The following SDCCAG8 variants were observed in gnomAD, a reference collection of about 807,000 sequenced individuals.
SDCCAG8 encodes the protein SHH signaling and ciliogenesis regulator SDCCAG8.
In SDCCAG8, 74 loss-of-function variants were observed where a neutral mutation model predicts 101.8. The observed-to-expected ratio is 0.73, with a 90% confidence interval of 0.60 to 0.88. The LOEUF (loss-of-function observed/expected upper bound fraction) is 0.88. Ranked by LOEUF, SDCCAG8 falls within the 40% of genes least tolerant of loss-of-function variation. The pLI is 0.00. For missense variants in SDCCAG8, 787 were observed against 822.6 expected (o/e 0.96, Z 0.53); for synonymous variants, 281 against 292.9 (o/e 0.96, Z 0.41).
intron 4 of SDCCAG8, 113 bp downstream of exon 4, chr1:243,274,769 T>G (rs552945419): frequency 1.5e-6 from 1 of 664,648 alleles, no homozygotes; most frequent in Admixed American, 2.3e-5. Context: ...ACATTGACAA[T>G]TGCTATTCTT....
In SDCCAG8 at chr1:243,330,500, A is replaced by G. The variant is rs767421072; in HGVS notation, c.1069-40A>G. On this transcript the variant is annotated intron_variant, in intron 9 of 17. Transcript: ENST00000366541. ...ATGTCATTTTACCTATATTTTTTCC[A>G]AATTCTAACCTCCTCTTTCAATCTG... 25 of 1,612,620 alleles carry G rather than the reference A, an allele frequency of 1.6e-5. 1 individual carries two copies. The South Asian group carries it at 2.8e-4, about 18-fold the overall frequency.
chr1:243,304,049 G>A (rs1463485976), intron 6 of SDCCAG8, among the ~76,000 whole-genome samples: 4 of 151,486 alleles, frequency 2.6e-5, no homozygotes, highest in African/African-American at 9.7e-5. Context: ...CTCCAGCCTT[G>A]GTGATAGAGT....
intron 7 of SDCCAG8, chr1:243,305,820 G>A (rs2149316413): frequency 6.6e-6 from 1 of 152,324 alleles, no homozygotes; most frequent in East Asian, 1.9e-4. Flanking sequence ...TGATTGTGGT[G>A]GCTTACGCAT....
chr1:243,328,789 A>G (rs1471431175), intron 9 of SDCCAG8, among the ~76,000 whole-genome samples: 1 of 152,078 alleles, frequency 6.6e-6, no homozygotes, highest in African/African-American at 2.4e-5. Flanking sequence ...TCCTGCCAGG[A>G]TTATTTACTG....
At chr1:243,285,289 G>A (rs2069499485) in intron 4 of SDCCAG8, among the ~76,000 whole-genome samples, 1 of 152,190 alleles carries the variant, frequency 6.6e-6, no homozygotes, top group African/African-American at 2.4e-5. Flanking sequence ...TGTAAATTCT[G>A]TGTCTCAGCG....
At chr1:243,370,678 G>A (rs1265105668) in intron 12 of SDCCAG8, among the ~76,000 whole-genome samples, 1 of 152,026 alleles carries the variant, frequency 6.6e-6, no homozygotes, top group Non-Finnish European at 1.5e-5. Context: ...TCTTGCCATA[G>A]TTCCATTTCA....
chr1:243,343,610 T>C (rs2075515008), intron 11 of SDCCAG8, among the ~76,000 whole-genome samples: 1 of 152,234 alleles, frequency 6.6e-6, no homozygotes, highest in Admixed American at 6.5e-5. Context: ...GTGTGCTTAG[T>C]TCCAGTCTAT....
intron 13 of SDCCAG8, among the ~76,000 whole-genome samples, chr1:243,386,768 TGAGA>T (rs112662776): frequency 2.6e-4 from 37 of 143,470 alleles, no homozygotes; most frequent in East Asian, 4.1e-4. Context: ...AGAAAGAAAG[TGAGA>T]GAGAGAGAGA....
Position 243,256,101 on chromosome 1 carries a change from C to T in SDCCAG8, c.-73C>T. ...CAGGCGGGCGCTCCCCGGCCACAGG[C>T]CTGTTGTTCTCGGAAGGGAGAAAGC... On this transcript the variant is annotated 5_prime_UTR_variant, in exon 1 of 18. Transcript: ENST00000366541. 3 of 1,431,270 alleles carry T rather than the reference C, an allele frequency of 2.1e-6. No homozygotes were observed. Among genetic ancestry groups the T allele is most frequent in the South Asian group, 2.3e-5 (2 of 87,414 alleles). 88.7% of individuals were successfully genotyped at this position (1,431,270 alleles called of 1,614,324 possible).
Position 243,341,138 on chromosome 1 carries a change from A to T in SDCCAG8, c.1321A>T (p.Ser441Cys), listed in dbSNP as rs748089367. 8 of 1,614,176 alleles carry T rather than the reference A, an allele frequency of 5.0e-6. No individual in the cohort carries two copies. In the South Asian group the frequency reaches 8.8e-5, roughly 18 times the overall value. Residue 441 changes from serine (S) to cysteine (C), a missense_variant, in exon 11 of 18, where the codon AGC becomes TGC. Ser to Cys is a moderately radical substitution (Grantham distance 112). Coordinates refer to ENST00000366541, the MANE Select transcript of SDCCAG8 (RefSeq NM_006642.5). Reference protein sequence around the residue: ...SAINQLEEIQSQLASREMDVT... With the variant: ...SAINQLEEIQCQLASREMDVT... ...TATTAATCAACTGGAGGAAATTCAAAGCCAGCTGGCTTCTCGGGAAATGGA... is the reference window on the plus strand; with the variant it reads ...TATTAATCAACTGGAGGAAATTCAATGCCAGCTGGCTTCTCGGGAAATGGA...
At chr1:243,468,914 C>T (rs1226906979) in intron 16 of SDCCAG8, among the ~76,000 whole-genome samples, 1 of 152,126 alleles carries the variant, frequency 6.6e-6, no homozygotes, top group African/African-American at 2.4e-5. Flanking sequence ...CTCTGAAGCA[C>T]CCTGTGAAAA....
chr1:243,460,676 T>C (rs1037944196), intron 16 of SDCCAG8, among the ~76,000 whole-genome samples: 1 of 152,334 alleles, frequency 6.6e-6, no homozygotes, highest in African/African-American at 2.4e-5. Flanking sequence ...AAGAAAGAGA[T>C]GGAAATACTG....
At chr1:243,321,303 A>G (rs2073735676) in intron 9 of SDCCAG8, among the ~76,000 whole-genome samples, 2 of 152,172 alleles carry the variant, frequency 1.3e-5, no homozygotes, top group South Asian at 2.1e-4. Context: ...AGAGGGGTAC[A>G]TGTGTAGGAT....
intron 14 of SDCCAG8, 127 bp downstream of exon 14, chr1:243,415,956 C>T (rs535523594): frequency 1.5e-5 from 16 of 1,050,788 alleles, no homozygotes; most frequent in Non-Finnish European, 1.9e-5. Context: ...CTAACTACAC[C>T]GGAGATTCCG....
intron 4 of SDCCAG8, among the ~76,000 whole-genome samples, chr1:243,280,381 C>T (rs1182429622): frequency 6.6e-6 from 1 of 151,688 alleles, no homozygotes; most frequent in African/African-American, 2.4e-5. Context: ...TTTTCAAAGA[C>T]CCAACTTTTG....
intron 9 of SDCCAG8, among the ~76,000 whole-genome samples, chr1:243,324,496 ACT>A (rs1422052966): frequency 9.1e-6 from 1 of 109,302 alleles, no homozygotes; most frequent in African/African-American, 3.7e-5. Context: ...ACAGGGCCTC[ACT>A]CTGTCACCCA....
chr1:243,420,402 C>T (rs1010150410), intron 15 of SDCCAG8, among the ~76,000 whole-genome samples: 1 of 152,176 alleles, frequency 6.6e-6, no homozygotes, highest in African/African-American at 2.4e-5. Flanking sequence ...TTTTAAGGGT[C>T]TTGACTGGTA....
chr1:243,296,110 C>G (rs571331210), intron 6 of SDCCAG8, among the ~76,000 whole-genome samples: 1 of 152,262 alleles, frequency 6.6e-6, no homozygotes, highest in East Asian at 1.9e-4. Context: ...ATTCGCCTGC[C>G]TCAGCCACCC....
intron 13 of SDCCAG8, among the ~76,000 whole-genome samples, chr1:243,398,780 A>T (rs1330576574): frequency 2.6e-5 from 4 of 152,220 alleles, no homozygotes; most frequent in African/African-American, 4.8e-5. Flanking sequence ...TAAATTGTAA[A>T]CTTCTTATAG....
Sources: gnomAD v4.1 joint callset for allele counts (sites outside exome capture counted in the v4.1 genomes callset) on GRCh38, gnomAD v4.1.1 for gene constraint, MANE v1.5 for transcripts, NCBI Gene and HGNC (gene_info 2026-07-23, HGNC 2026-07-21) for gene names.